CPVL: variants seen among roughly 807,000 people sequenced by gnomAD.
The protein encoded by CPVL is carboxypeptidase vitellogenic like, also known as probable serine carboxypeptidase CPVL.
CPVL carries 51 observed loss-of-function variants against 63.7 expected under a neutral mutation model. That is an observed-to-expected ratio of 0.80 (90% CI 0.64 to 1.01). The LOEUF is 1.01. CPVL is among the 50% of genes least tolerant of loss of function. The pLI, the probability that CPVL is intolerant of heterozygous loss-of-function variation, is 0.00. For synonymous variants in CPVL, 195 were observed against 206.0 expected (o/e 0.95, Z 0.46); for missense variants, 530 against 573.1 (o/e 0.92, Z 0.77).
intron 7 of CPVL, among the ~76,000 whole-genome samples, chr7:29,076,251 T>C (rs1319976020): frequency 1.3e-5 from 2 of 152,326 alleles, no homozygotes; most frequent in East Asian, 3.9e-4. Flanking sequence ...TTCTGAGTTC[T>C]AATGAAAACA....
chr7:29,009,787 A>C (rs1290689271), intron 12 of CPVL: 1 of 152,222 alleles, frequency 6.6e-6, no homozygotes, highest in Admixed American at 6.5e-5. Context: ...GTCTACCTCC[A>C]GGGGTAATTA....
intron 11 of CPVL, among the ~76,000 whole-genome samples, chr7:29,034,865 A>G (rs961035117): frequency 6.6e-6 from 1 of 150,896 alleles, no homozygotes; most frequent in Non-Finnish European, 1.5e-5. Flanking sequence ...AAAAAAAAAA[A>G]AAAAGAACAA....
Position 29,082,710 on chromosome 7 carries a change from G to A in CPVL, c.609+3774C>T, listed in dbSNP as rs187089399. On this transcript the variant is annotated intron_variant, in intron 7 of 12. Coordinates refer to ENST00000265394, the MANE Select transcript of CPVL (RefSeq NM_031311.5). ...TTAAAAGTATTCATCCTGGCAGCAA[G>A]GAAGGTAAAAAGAAAACTGTCCTTT... 1.4e-3 allele frequency among the ~76,000 whole-genome samples: 215 copies of A among 152,244 alleles called. 1 individual carries two copies. The highest frequency in any genetic ancestry group is 4.1e-3 in the African/African-American group (171 of 41,550).
chr7:29,195,015 G>A, intron 1 of CPVL: 1 of 1,582,188 alleles, frequency 6.3e-7, no homozygotes. Flanking sequence ...GTCGGGCGCT[G>A]CTGCCGCGCC....
At chr7:29,149,183 GTTTCCCT>G (rs1793214206), upstream of CPVL, among the ~76,000 whole-genome samples, 1 of 121,014 alleles carries the variant, frequency 8.3e-6, no homozygotes, top group Non-Finnish European at 1.7e-5. Flanking sequence ...TGGGAAGTCT[GTTTCCCT>G]TTTTTTTTTT....
chr7:29,123,849 G>A (rs1789694879), intron 1 of CPVL, among the ~76,000 whole-genome samples: 1 of 151,054 alleles, frequency 6.6e-6, no homozygotes, highest in South Asian at 2.1e-4. Context: ...CACTTCCCTT[G>A]TAAGCAGATG....
intron 11 of CPVL, among the ~76,000 whole-genome samples, chr7:29,049,757 A>C (rs1217549364): frequency 1.3e-5 from 2 of 152,166 alleles, no homozygotes; most frequent in East Asian, 3.8e-4. Flanking sequence ...ATAGACACTA[A>C]AATCCTTAAC....
intron 1 of CPVL, among the ~76,000 whole-genome samples, chr7:29,131,805 G>A (rs552894199): frequency 6.6e-6 from 1 of 152,060 alleles, no homozygotes; most frequent in Non-Finnish European, 1.5e-5. Flanking sequence ...GAGCCACTGC[G>A]CCTTGGCCCA....
chr7:29,080,718 G>A lies in CPVL; in HGVS notation c.609+5766C>T, dbSNP rs182572473. Among the ~76,000 whole-genome samples the A allele has an allele frequency of 2.0e-5, 3 of 152,136 alleles. No homozygotes were observed. In the East Asian group the frequency reaches 5.8e-4, roughly 29 times the overall value. Reference sequence around the variant, plus strand: ...AACAAACATGGCTCTCGCATACTGGGAGCTTGCCACCTAACCCAATGGGCC... The same window carrying A: ...AACAAACATGGCTCTCGCATACTGGAAGCTTGCCACCTAACCCAATGGGCC... On this transcript the variant is annotated intron_variant, in intron 7 of 12. Transcript: ENST00000265394.
At chr7:29,100,189 G>A (rs191822487) in intron 3 of CPVL, among the ~76,000 whole-genome samples, 19 of 152,314 alleles carry the variant, frequency 1.2e-4, no homozygotes, top group African/African-American at 4.6e-4. Context: ...GTGAGATGCT[G>A]CGAGTCCAAC....
intron 11 of CPVL, among the ~76,000 whole-genome samples, chr7:29,055,824 C>T (rs1402889827): frequency 1.3e-5 from 2 of 152,150 alleles, no homozygotes; most frequent in African/African-American, 2.4e-5. Context: ...GATCCACTTT[C>T]ATTTTATTAA....
At chr7:29,157,102 A>G (rs1794483775) in intron 5 of CPVL, among the ~76,000 whole-genome samples, 1 of 152,170 alleles carries the variant, frequency 6.6e-6, no homozygotes, top group Non-Finnish European at 1.5e-5. Context: ...AAAAGGCTTG[A>G]TGATTGCTGA....
chr7:29,119,401 C>T (rs1017762392), intron 2 of CPVL, among the ~76,000 whole-genome samples: 2 of 149,418 alleles, frequency 1.3e-5, no homozygotes, highest in South Asian at 2.1e-4. Context: ...GCAGGAGAAT[C>T]GCTTGAACGC....
intron 11 of CPVL, among the ~76,000 whole-genome samples, chr7:29,061,054 T>C (rs955509473): frequency 6.6e-6 from 1 of 152,212 alleles, no homozygotes; most frequent in Non-Finnish European, 1.5e-5. Flanking sequence ...TGTTTCTTTA[T>C]GGAAATATGG....
At chr7:29,067,848 T>C (rs540111558) in intron 9 of CPVL, among the ~76,000 whole-genome samples, 1 of 152,202 alleles carries the variant, frequency 6.6e-6, no homozygotes, top group South Asian at 2.1e-4. Flanking sequence ...TCACTAATAA[T>C]GTCAGAGATG....
chr7:29,075,956 G>GTGTT (rs1554335827), intron 7 of CPVL, among the ~76,000 whole-genome samples: 1 of 110,336 alleles, frequency 9.1e-6, no homozygotes, highest in East Asian at 2.5e-4. Context: ...TGTTGAGATA[G>GTGTT]TTTTTTTTTT....
intron 1 of CPVL, among the ~76,000 whole-genome samples, chr7:29,133,791 G>A (rs1412944130): frequency 1.3e-5 from 2 of 152,292 alleles, no homozygotes; most frequent in Middle Eastern, 3.4e-3. Context: ...TTGTTAGATG[G>A]AAAGTGAACA....
chr7:29,134,769 C>T (rs914167723), intron 1 of CPVL, among the ~76,000 whole-genome samples: 1 of 151,702 alleles, frequency 6.6e-6, no homozygotes, highest in African/African-American at 2.4e-5. Context: ...TCCAGAAGAC[C>T]AATATCTGAC....
At chr7:29,150,406 T>C (rs1793429278), upstream of CPVL, among the ~76,000 whole-genome samples, 1 of 152,184 alleles carries the variant, frequency 6.6e-6, no homozygotes, top group South Asian at 2.1e-4. Context: ...ACAATCAAGA[T>C]TCTAGGCTGT....
Sources: gnomAD v4.1 joint callset for allele counts (sites outside exome capture counted in the v4.1 genomes callset) on GRCh38, gnomAD v4.1.1 for gene constraint, MANE v1.5 for transcripts, NCBI Gene and HGNC (gene_info 2026-07-23, HGNC 2026-07-21) for gene names.